KIF1B: variants seen among roughly 807,000 people sequenced by gnomAD.
KIF1B encodes kinesin-like protein KIF1B.
KIF1B carries 76 observed loss-of-function variants against 241.9 expected under a neutral mutation model. That is an observed-to-expected ratio of 0.31 (90% confidence interval 0.26 to 0.38). The LOEUF (loss-of-function observed/expected upper bound fraction) is 0.38. KIF1B is among the 10% of genes least tolerant of loss of function. The pLI, the probability that KIF1B is intolerant of heterozygous loss-of-function variation, is 1.00. For synonymous variants in KIF1B, 750 were observed against 796.7 expected, an observed-to-expected ratio of 0.94 and a Z score of 0.99; for missense variants, 1,622 against 2,271.4, an observed-to-expected ratio of 0.71 and a Z score of 5.81.
chr1:10,265,581 A>G (rs1471891532), intron 5 of KIF1B, among the ~76,000 whole-genome samples: 1 of 152,154 alleles, frequency 6.6e-6, no homozygotes. Context: ...GCGGTGGCTC[A>G]CACCTGTAAT....
In KIF1B at chr1:10,375,309, C is replaced by G. The variant is rs755810802; in HGVS notation, c.5344C>G (p.Leu1782Val). 2 of 1,614,172 alleles carry G rather than the reference C, an allele frequency of 1.2e-6. No homozygotes were observed. The highest frequency in any genetic ancestry group is 1.3e-5 in the African/African-American group (1 of 75,040). Residue 1782 changes from leucine (L) to valine (V), a missense_variant, in exon 48 of 49, where the codon CTC becomes GTC. Transcript: ENST00000676179. ...TKHRGVLLQA[L>V]NDKDMNDWLY... ...GCACCGTGGGGTCCTTTTGCAGGCC[C>G]TCAATGACAAAGACATGAACGACTG...
intron 27 of KIF1B, among the ~76,000 whole-genome samples, chr1:10,332,617 G>A (rs1451037658): frequency 2.2e-5 from 3 of 134,170 alleles, no homozygotes; most frequent in African/African-American, 8.3e-5. Flanking sequence ...CCGGGTTCAC[G>A]CCATTCTCCT....
rs773852256 is a variant in KIF1B, at chr1:10,320,101, C to T, written c.2174C>T (p.Ala725Val). ...QKQVETRSLA[A>V]ETTEEEEEEE... is the part of the protein sequence containing the mutation. ...CAGGTTGAAACCCGATCTCTGGCTG[C>T]AGAAACAACTGAAGAGGAGGAAGAA... The change falls in exon 23 of 49, where the codon GCA becomes GTA. Residue 725 changes from alanine (A) to valine (V), a missense_variant. Physicochemically the swap from Ala to Val is moderately conservative, Grantham distance 64 (BLOSUM62 0). This residue lies in a region of KIF1B where 803 missense variants were observed against 1,112.0 expected (regional missense o/e 0.72). Transcript: ENST00000676179. 1.1e-5 allele frequency: 17 copies of T among 1,613,622 alleles called. No homozygotes were observed. The highest frequency in any genetic ancestry group is 5.5e-5 in the South Asian group (5 of 91,070).
In KIF1B at chr1:10,374,728, A is replaced by G; in HGVS notation, c.5097-126A>G. 1 of 1,016,064 alleles carries G rather than the reference A, an allele frequency of 9.8e-7. No individual in the cohort carries two copies. The highest frequency in any genetic ancestry group is 1.5e-6 in the Non-Finnish European group (1 of 655,920). 62.9% of individuals were successfully genotyped at this position (1,016,064 alleles called of 1,614,324 possible). ...ACTTTGGCAGATAAGATTCTAGGCCAAATAGGTCATTTGCCTGTTTCATCG... is the reference window on the plus strand; with the variant it reads ...ACTTTGGCAGATAAGATTCTAGGCCGAATAGGTCATTTGCCTGTTTCATCG... On this transcript the variant is annotated intron_variant, in intron 46 of 48. Transcript: ENST00000676179. This position sits in a 1 kb window ranked among gnomAD's most constrained non-coding sequence, Gnocchi z 4.3.
chr1:10,283,156 G>A (rs1159772202), intron 15 of KIF1B, among the ~76,000 whole-genome samples: 13 of 138,548 alleles, frequency 9.4e-5, no homozygotes, highest in Admixed American at 2.4e-4. Context: ...GCAGTGAGCC[G>A]AGATCGTGCC....
chr1:10,262,598 G>A (rs1007942710), intron 5 of KIF1B, among the ~76,000 whole-genome samples: 2 of 152,220 alleles, frequency 1.3e-5, no homozygotes, highest in African/African-American at 4.8e-5. Flanking sequence ...CTAGGAGGGT[G>A]TAAGCACCCA....
chr1:10,368,649 C>A, intron 44 of KIF1B, 111 bp downstream of exon 44: 2 of 873,042 alleles, frequency 2.3e-6, no homozygotes, highest in Non-Finnish European at 3.9e-6. Flanking sequence ...TTGTCATGGG[C>A]ATAGCATTGT....
At chr1:10,235,855 A>G (rs1200913508) in intron 2 of KIF1B, among the ~76,000 whole-genome samples, 1 of 116,038 alleles carries the variant, frequency 8.6e-6, no homozygotes, top group Non-Finnish European at 1.8e-5. Context: ...AGACCAAAAC[A>G]CTGTCTCAAA....
At position 10,365,113 on chromosome 1, in the gene KIF1B, G is replaced by A. The variant is rs1638531136; in HGVS notation, c.4380G>A (p.Arg1460=). The change falls in exon 42 of 49, where the codon AGG becomes AGA. Residue 1460 remains arginine, a synonymous_variant. Coordinates refer to ENST00000676179, the MANE Select transcript of KIF1B (RefSeq NM_001365951.3). The surrounding 1 kb of genome is among the most constrained non-coding windows in gnomAD (Gnocchi z 4.0). ...CTCTTGTCTTAGGTATGCAGAGAAG[G>A]AGAAGAAAAATCTTAGATACGTCAG... ...SDTGSPGMQR[R]RRKILDTSVA... 2 of 1,613,942 alleles carry A rather than the reference G, an allele frequency of 1.2e-6. No homozygotes were observed. The highest frequency in any genetic ancestry group is 1.7e-6 in the Non-Finnish European group (2 of 1,179,982).
chr1:10,230,280 T>C lies in KIF1B; in HGVS notation c.-79-1970T>C, dbSNP rs965557127. ...CATTCCTAATTATCTGGAAAAAATA[T>C]TGGTCAGATTTAAGTTCTGTTGTGG... On this transcript the variant is annotated intron_variant, in intron 1 of 48. Coordinates refer to ENST00000676179, the MANE Select transcript of KIF1B (RefSeq NM_001365951.3). 2.6e-5 allele frequency among the ~76,000 whole-genome samples: 4 copies of C among 152,170 alleles called. No homozygotes were observed. The South Asian group carries it at 6.2e-4, about 24-fold the overall frequency.
chr1:10,361,630 T>C, intron 39 of KIF1B, 62 bp from the exon 40 acceptor site: 1 of 1,603,410 alleles, frequency 6.2e-7, no homozygotes, highest in South Asian at 1.1e-5. Context: ...TACGTTCGTG[T>C]ATAGACTCTA....
At chr1:10,255,820 C>A (rs993199082) in intron 2 of KIF1B, among the ~76,000 whole-genome samples, 1 of 151,980 alleles carries the variant, frequency 6.6e-6, no homozygotes, top group African/African-American at 2.4e-5. Context: ...TTTTTGAGAT[C>A]GGGTCTCAAA....
chr1:10,369,171 T>C (rs1167773471), intron 44 of KIF1B, among the ~76,000 whole-genome samples: 1 of 152,228 alleles, frequency 6.6e-6, no homozygotes, highest in Non-Finnish European at 1.5e-5. Context: ...CTACACCTCT[T>C]TCCTGCTTTA....
intron 1 of KIF1B, chr1:10,211,888 G>C (rs565958958): frequency 6.6e-6 from 1 of 152,198 alleles, no homozygotes; most frequent in Non-Finnish European, 1.5e-5. Flanking sequence ...CACTGTATCA[G>C]TATGGAGGCC....
At chr1:10,356,355 ACT>A (rs2102338918) in intron 38 of KIF1B, among the ~76,000 whole-genome samples, 1 of 151,712 alleles carries the variant, frequency 6.6e-6, no homozygotes, top group Non-Finnish European at 1.5e-5. Flanking sequence ...ACAGAGCGAG[ACT>A]CTGTCTCGAA....
chr1:10,270,656 G>A (rs953429885), intron 7 of KIF1B, among the ~76,000 whole-genome samples: 3 of 152,138 alleles, frequency 2.0e-5, no homozygotes, highest in African/African-American at 7.2e-5. Flanking sequence ...TGGGCACGGT[G>A]GCTCACGCCT....
intron 22 of KIF1B, chr1:10,306,185 A>G (rs1445417093): frequency 9.6e-7 from 1 of 1,039,362 alleles, no homozygotes; most frequent in Non-Finnish European, 1.2e-6. Context: ...AGAAGCTTTG[A>G]GAGATATTTT....
intron 1 of KIF1B, among the ~76,000 whole-genome samples, chr1:10,212,610 T>C (rs75863254): frequency 0.018 from 2,804 of 152,172 alleles, 41 homozygotes; most frequent in Non-Finnish European, 0.027. Context: ...GGGATGGGTG[T>C]GGTGGCTCAT....
Position 10,251,310 on chromosome 1 carries a change from C to A in KIF1B, c.107-4937C>A, listed in dbSNP as rs189914284. ...TTCATGTGAATTGAGGAAGTTAACT[C>A]ATTGGTGTAGTTTTTCCTTTCTTTT... On this transcript the variant is annotated intron_variant, in intron 2 of 48. Coordinates refer to ENST00000676179, the MANE Select transcript of KIF1B (RefSeq NM_001365951.3). 2.1e-3 allele frequency among the ~76,000 whole-genome samples: 309 copies of A among 148,838 alleles called. 3 individuals carry two copies. The highest frequency in any genetic ancestry group is 2.6e-3 in the Non-Finnish European group (176 of 67,692).
Sources: gnomAD v4.1 joint callset for allele counts (sites outside exome capture counted in the v4.1 genomes callset) on GRCh38, gnomAD v4.1.1 for gene constraint, gnomAD v4.1.1 regional missense constraint, Gnocchi (gnomAD v3.1) non-coding constraint, MANE v1.5 for transcripts, NCBI Gene and HGNC (gene_info 2026-07-23, HGNC 2026-07-21) for gene names.